ARHGAP15: variants seen among roughly 807,000 people sequenced by gnomAD.
The protein encoded by ARHGAP15 is rho GTPase-activating protein 15.
In ARHGAP15, 51 loss-of-function variants were observed where a neutral mutation model predicts 63.7. The ratio of observed to expected loss-of-function variants is 0.80; its 90% CI spans 0.64 to 1.01. The LOEUF (loss-of-function observed/expected upper bound fraction) is 1.01. ARHGAP15 is among the 50% of genes least tolerant of loss of function. The pLI is 0.00. For synonymous variants in ARHGAP15, 191 were observed against 193.8 expected (o/e 0.99, Z 0.12); for missense variants, 560 against 564.6 (o/e 0.99, Z 0.08).
At chr2:143,589,936 T>C (rs1431435740) in intron 11 of ARHGAP15, among the ~76,000 whole-genome samples, 1 of 152,204 alleles carries the variant, frequency 6.6e-6, no homozygotes, top group Non-Finnish European at 1.5e-5. Flanking sequence ...GCAAGACCGA[T>C]TTTGGCAGAA....
intron 8 of ARHGAP15, among the ~76,000 whole-genome samples, chr2:143,482,324 A>C (rs1330667926): frequency 6.6e-6 from 1 of 152,216 alleles, no homozygotes; most frequent in Non-Finnish European, 1.5e-5. Flanking sequence ...TCACCCTCAA[A>C]AAGTAGTTGA....
intron 6 of ARHGAP15, among the ~76,000 whole-genome samples, chr2:143,271,629 C>T (rs1681286860): frequency 6.6e-6 from 1 of 152,222 alleles, no homozygotes; most frequent in Admixed American, 6.5e-5. Context: ...GTGCCTGCCA[C>T]CTCGCCCGGC....
chr2:143,582,567 TATC>T (rs1241887552), intron 11 of ARHGAP15, among the ~76,000 whole-genome samples: 1 of 152,168 alleles, frequency 6.6e-6, no homozygotes, highest in African/African-American at 2.4e-5. Context: ...TAACAAGTGT[TATC>T]TAAACACACA....
chr2:143,260,108 A>T (rs1243278402), intron 6 of ARHGAP15, among the ~76,000 whole-genome samples: 1 of 152,122 alleles, frequency 6.6e-6, no homozygotes, highest in East Asian at 1.9e-4. Context: ...TTCAATTGTT[A>T]TATTAAAATG....
At chr2:143,588,317 G>A (rs1409560639) in intron 11 of ARHGAP15, among the ~76,000 whole-genome samples, 1 of 152,020 alleles carries the variant, frequency 6.6e-6, no homozygotes, top group Non-Finnish European at 1.5e-5. Context: ...ATACTCCACT[G>A]CATCCCAATT....
chr2:143,618,651 G>T (rs1053891579), intron 11 of ARHGAP15, among the ~76,000 whole-genome samples: 1 of 152,162 alleles, frequency 6.6e-6, no homozygotes, highest in East Asian at 1.9e-4. Context: ...ACATGAAGAA[G>T]ATTTTCTTTC....
chr2:143,475,123 T>C (rs1442656470), intron 8 of ARHGAP15, among the ~76,000 whole-genome samples: 1 of 152,182 alleles, frequency 6.6e-6, no homozygotes, highest in African/African-American at 2.4e-5. Context: ...TTTGTGGGGC[T>C]TTTCCTAGTT....
At chr2:143,733,704 G>C (rs985603285) in intron 13 of ARHGAP15, among the ~76,000 whole-genome samples, 5 of 152,146 alleles carry the variant, frequency 3.3e-5, no homozygotes, top group Admixed American at 6.5e-5. Flanking sequence ...GAATTCATTT[G>C]CATTTCTTCA....
chr2:143,321,248 G>A (rs1470064913), intron 6 of ARHGAP15, among the ~76,000 whole-genome samples: 1 of 152,146 alleles, frequency 6.6e-6, no homozygotes, highest in African/African-American at 2.4e-5. Context: ...CATGGTAACT[G>A]CCCCAGTCCA....
rs1453631208 is a variant in ARHGAP15 at position 143,413,906 on chromosome 2, C to T, written c.475-21695C>T. On this transcript the variant is annotated intron_variant, in intron 6 of 13. Coordinates refer to ENST00000295095, the MANE Select transcript of ARHGAP15 (RefSeq NM_018460.4). ...TCTATGTGTTGTTAGCTCTTGAGTG[C>T]CCTAGATGGAAGGTAGGTAGTTGTG... 2.7e-5 allele frequency among the ~76,000 whole-genome samples: 4 copies of T among 147,694 alleles called. No individual in the cohort carries two copies. In the East Asian group the frequency reaches 6.0e-4, roughly 22 times the overall value.
intron 6 of ARHGAP15, among the ~76,000 whole-genome samples, chr2:143,277,003 C>T (rs371943797): frequency 6.6e-6 from 1 of 152,144 alleles, no homozygotes; most frequent in African/African-American, 2.4e-5. Flanking sequence ...ACCATCTTAT[C>T]ATCTTTCTAT....
At chr2:143,176,696 G>A (rs1691023369) in intron 2 of ARHGAP15, among the ~76,000 whole-genome samples, 1 of 152,184 alleles carries the variant, frequency 6.6e-6, no homozygotes, top group African/African-American at 2.4e-5. Context: ...ATGATCTACT[G>A]ATAAACCATC....
intron 10 of ARHGAP15, among the ~76,000 whole-genome samples, chr2:143,553,888 G>A (rs1042552864): frequency 6.6e-6 from 1 of 152,094 alleles, no homozygotes; most frequent in Non-Finnish European, 1.5e-5. Flanking sequence ...AAGGAAGAGT[G>A]CTAACTTCAA....
intron 2 of ARHGAP15, among the ~76,000 whole-genome samples, chr2:143,166,001 A>AGAAAGAAAGAAAGAAAGAAAGAAGGAAG (rs70982847): frequency 1.4e-3 from 145 of 101,012 alleles, no homozygotes; most frequent in Middle Eastern, 4.8e-3. Flanking sequence ...AAAGAAAGAA[A>AGAAAGAAAGAAAGAAAGAAAGAAGGAAG]GAAGGAAGGA....
At chr2:143,665,912 TAA>T (rs1682145191) in intron 12 of ARHGAP15, among the ~76,000 whole-genome samples, 1 of 139,874 alleles carries the variant, frequency 7.1e-6, no homozygotes, top group African/African-American at 2.6e-5. Flanking sequence ...CTCAAGGAAA[TAA>T]AAGAGGATAC....
intron 10 of ARHGAP15, among the ~76,000 whole-genome samples, chr2:143,523,617 C>T (rs1007316324): frequency 6.6e-6 from 1 of 152,004 alleles, no homozygotes; most frequent in Non-Finnish European, 1.5e-5. Context: ...GATAAATGAG[C>T]ATATTTCTAC....
At chr2:143,648,282 A>C (rs1680988110) in intron 12 of ARHGAP15, among the ~76,000 whole-genome samples, 1 of 152,052 alleles carries the variant, frequency 6.6e-6, no homozygotes, top group Non-Finnish European at 1.5e-5. Context: ...GTATCCTGCT[A>C]TTTGTGTGCT....
intron 6 of ARHGAP15, among the ~76,000 whole-genome samples, chr2:143,415,252 T>TAG (rs1223299496): frequency 6.6e-6 from 1 of 152,144 alleles, no homozygotes. Context: ...TTTTAGAGAA[T>TAG]AGTGGACCAC....
chr2:143,233,062 T>G (rs1181645458), intron 5 of ARHGAP15, among the ~76,000 whole-genome samples: 1 of 152,226 alleles, frequency 6.6e-6, no homozygotes, highest in East Asian at 1.9e-4. Context: ...TTAATCAATT[T>G]ATCCCTTTCT....
Sources: gnomAD v4.1 joint callset for allele counts (sites outside exome capture counted in the v4.1 genomes callset) on GRCh38, gnomAD v4.1.1 for gene constraint, MANE v1.5 for transcripts, NCBI Gene and HGNC (gene_info 2026-07-23, HGNC 2026-07-21) for gene names.